The following PRTG variants were observed in gnomAD, a reference collection of about 807,000 sequenced individuals.
PRTG encodes immunoglobulin superfamily, DCC subclass, member 5.
PRTG carries 67 observed loss-of-function variants against 122.5 expected under a neutral mutation model. The ratio of observed to expected loss-of-function variants is 0.55; its 90% CI spans 0.45 to 0.67. PRTG has a LOEUF of 0.67. Ranked by LOEUF, PRTG falls within the 30% of genes least tolerant of loss-of-function variation. The pLI is 0.00. For synonymous variants in PRTG, 554 were observed against 501.1 expected (o/e 1.11, Z -1.41); for missense variants, 1,435 against 1,415.4 (o/e 1.01, Z -0.22).
At chr15:55,632,095 C>T (rs943327109) in intron 15 of PRTG, among the ~76,000 whole-genome samples, 1 of 152,142 alleles carries the variant, frequency 6.6e-6, no homozygotes, top group African/African-American at 2.4e-5. Context: ...ACATTGATAA[C>T]TAGATATATC....
intron 2 of PRTG, among the ~76,000 whole-genome samples, chr15:55,729,243 T>C (rs1251927383): frequency 1.3e-5 from 2 of 152,186 alleles, no homozygotes; most frequent in Non-Finnish European, 2.9e-5. Flanking sequence ...CTTGAAAACA[T>C]GCTAAGTGTA....
intron 2 of PRTG, among the ~76,000 whole-genome samples, chr15:55,698,912 A>C (rs1035371867): frequency 1.3e-5 from 2 of 152,058 alleles, no homozygotes; most frequent in African/African-American, 2.4e-5. Context: ...GCATTGGCTG[A>C]AACTTAGTTC....
intron 2 of PRTG, among the ~76,000 whole-genome samples, chr15:55,691,680 CAA>C (rs765414935): frequency 3.6e-4 from 31 of 85,736 alleles, no homozygotes; most frequent in Admixed American, 4.0e-4. Context: ...GACTCCATCT[CAA>C]AAAAAAAAAA....
intron 11 of PRTG, among the ~76,000 whole-genome samples, chr15:55,652,124 G>C (rs2059356117): frequency 6.6e-6 from 1 of 152,178 alleles, no homozygotes; most frequent in African/African-American, 2.4e-5. Flanking sequence ...TTAAAATGCT[G>C]CTATAGAAAA....
chr15:55,644,563 A>G (rs537112497), intron 11 of PRTG, among the ~76,000 whole-genome samples: 2 of 152,274 alleles, frequency 1.3e-5, no homozygotes, highest in East Asian at 3.9e-4. Flanking sequence ...ATGTGTCCCA[A>G]AGAGATCAGA....
chr15:55,699,925 C>A (rs2059652794), intron 2 of PRTG, among the ~76,000 whole-genome samples: 1 of 151,870 alleles, frequency 6.6e-6, no homozygotes, highest in South Asian at 2.1e-4. Flanking sequence ...TCCTTACAGG[C>A]ATAATAAAAA....
chr15:55,624,918 A>C (rs927023647), intron 17 of PRTG, among the ~76,000 whole-genome samples: 7 of 152,238 alleles, frequency 4.6e-5, no homozygotes, highest in African/African-American at 1.7e-4. Context: ...AATGTGCATA[A>C]ATATTTTATT....
chr15:55,682,435 T>C lies in PRTG; in HGVS notation c.605A>G (p.Asn202Ser). Reference protein sequence around the residue: ...IYDVSQRDSGNYRCIAATVAH... With the variant: ...IYDVSQRDSGSYRCIAATVAH... ...TACAGTGGCAGCAATACAACGATAA[T>C]TTCCAGAATCCCTTTGGCTGACATC... Residue 202 changes from asparagine (N) to serine (S), a missense_variant, in exon 4 of 20, where the codon AAT becomes AGT. Physicochemically the swap from Asn to Ser is conservative, Grantham distance 46. Transcript: ENST00000389286. The C allele has an allele frequency of 6.2e-7, 1 of 1,605,310 alleles. No homozygotes were observed. Among genetic ancestry groups the C allele is most frequent in the Non-Finnish European group, 8.5e-7 (1 of 1,174,656 alleles).
chr15:55,742,872 C>G lies in PRTG; in HGVS notation c.60G>C (p.Ala20=). ...GACTGAGCAGCAGCAGGAGCAGGAG[C>G]GCGCGGAGCAGCATCCCCGGCGGTC... ...RLRPPGMLLR[A]LLLLLLLSPL... Residue 20 remains alanine, a synonymous_variant, in exon 1 of 20, where the codon GCG becomes GCC. Transcript: ENST00000389286. 6.5e-7 allele frequency: 1 copy of G among 1,536,278 alleles called. No individual in the cohort carries two copies. The highest frequency in any genetic ancestry group is 8.8e-7 in the Non-Finnish European group (1 of 1,140,428).
intron 11 of PRTG, among the ~76,000 whole-genome samples, chr15:55,646,463 C>T (rs892558248): frequency 1.3e-5 from 2 of 151,958 alleles, no homozygotes; most frequent in Non-Finnish European, 2.9e-5. Context: ...GCTAGGACTA[C>T]AGGCGCCCGC....
At chr15:55,639,958 G>A in intron 12 of PRTG, 130 bp from the exon 13 acceptor site, 6 of 1,472,020 alleles carry the variant, frequency 4.1e-6, no homozygotes, top group Non-Finnish European at 5.4e-6. Context: ...GAGATTCATA[G>A]TGATCTAGAG....
intron 11 of PRTG, among the ~76,000 whole-genome samples, chr15:55,649,380 A>C (rs2059341347): frequency 6.6e-6 from 1 of 151,498 alleles, no homozygotes; most frequent in Non-Finnish European, 1.5e-5. Flanking sequence ...TGACAATGAT[A>C]ACAGCATCCA....
At position 55,707,940 on chromosome 15, in the gene PRTG, T is replaced by C. The variant is rs537029609; in HGVS notation, c.398-24009A>G. Reference sequence around the variant, plus strand: ...GGCTTAATAGAGACCCTGAGTTTCTTTCAAGGAAATGATCACCAGTGGGAT... The same window carrying C: ...GGCTTAATAGAGACCCTGAGTTTCTCTCAAGGAAATGATCACCAGTGGGAT... On this transcript the variant is annotated intron_variant, in intron 2 of 19. Transcript: ENST00000389286. Among the ~76,000 whole-genome samples the C allele has an allele frequency of 1.2e-4, 18 of 152,220 alleles. No individual in the cohort carries two copies. In the South Asian group the frequency reaches 3.7e-3, roughly 32 times the overall value.
intron 2 of PRTG, among the ~76,000 whole-genome samples, chr15:55,705,854 CTTT>C (rs33973404): frequency 8.0e-6 from 1 of 125,418 alleles, no homozygotes; most frequent in Non-Finnish European, 1.6e-5. Flanking sequence ...ACTTGCTATT[CTTT>C]TTTTTTTTTT....
intron 2 of PRTG, among the ~76,000 whole-genome samples, chr15:55,720,600 T>G (rs1770319384): frequency 6.6e-6 from 1 of 152,160 alleles, no homozygotes; most frequent in South Asian, 2.1e-4. Context: ...GTGTTTCTTT[T>G]GGTTGTCCTA....
chr15:55,693,411 G>A (rs986486323), intron 2 of PRTG, among the ~76,000 whole-genome samples: 1 of 151,296 alleles, frequency 6.6e-6, no homozygotes, highest in East Asian at 2.0e-4. Context: ...AGCTGAGATC[G>A]CACCATTGCT....
chr15:55,655,273 A>G (rs886152129), intron 11 of PRTG: 1 of 152,170 alleles, frequency 6.6e-6, no homozygotes, highest in African/African-American at 2.4e-5. Flanking sequence ...TCAACCAGAA[A>G]TTTTTTAGTT....
chr15:55,661,932 T>A (rs2059412339), intron 11 of PRTG, among the ~76,000 whole-genome samples: 1 of 152,090 alleles, frequency 6.6e-6, no homozygotes, highest in Admixed American at 6.6e-5. Context: ...TGTATCATTT[T>A]GTTCACATTT....
intron 11 of PRTG, among the ~76,000 whole-genome samples, chr15:55,645,314 G>C (rs1046340714): frequency 2.0e-5 from 3 of 148,078 alleles, no homozygotes; most frequent in Admixed American, 6.9e-5. Flanking sequence ...CGTGCCTGTA[G>C]TCCCAGCTAC....
Sources: gnomAD v4.1 joint callset for allele counts (sites outside exome capture counted in the v4.1 genomes callset) on GRCh38, gnomAD v4.1.1 for gene constraint, MANE v1.5 for transcripts, NCBI Gene and HGNC (gene_info 2026-07-23, HGNC 2026-07-21) for gene names.